Variants in PTPRG observed in about 807,000 individuals in gnomAD.
The protein encoded by PTPRG is receptor-type tyrosine-protein phosphatase gamma.
PTPRG carries 102 observed loss-of-function variants against 165.3 expected under a neutral mutation model. The ratio of observed to expected loss-of-function variants is 0.62; its 90% CI spans 0.53 to 0.73. PTPRG has a LOEUF of 0.73. PTPRG is among the 30% of genes least tolerant of loss of function. The pLI is 0.00. For synonymous variants in PTPRG, 675 were observed against 669.5 expected, an observed-to-expected ratio of 1.01 and a Z score of -0.13; for missense variants, 1,866 against 1,861.4, an observed-to-expected ratio of 1.00 and a Z score of -0.05.
At chr3:61,890,412 G>GTTTTTTTTTTTTTTTTTTTTTTTTT (rs1388100597) in intron 2 of PTPRG, among the ~76,000 whole-genome samples, 15 of 95,426 alleles carry the variant, frequency 1.6e-4, no homozygotes, top group Middle Eastern at 6.2e-3. Context: ...CTTGTTCTTT[G>GTTTTTTTTTTTTTTTTTTTTTTTTT]TTTTTTTTTT....
At chr3:61,824,568 G>A (rs539545413) in intron 2 of PTPRG, among the ~76,000 whole-genome samples, 3 of 152,296 alleles carry the variant, frequency 2.0e-5, no homozygotes, top group Non-Finnish European at 4.4e-5. Flanking sequence ...GGTGGCTCAC[G>A]CCTGTAATCC....
chr3:61,864,247 C>T (rs2037346605), intron 2 of PTPRG, among the ~76,000 whole-genome samples: 1 of 152,076 alleles, frequency 6.6e-6, no homozygotes, highest in African/African-American at 2.4e-5. Flanking sequence ...TAAGTAGAAC[C>T]TTTTGTATCA....
intron 2 of PTPRG, among the ~76,000 whole-genome samples, chr3:61,826,782 A>G (rs1476452654): frequency 6.6e-6 from 1 of 151,568 alleles, no homozygotes; most frequent in Non-Finnish European, 1.5e-5. Flanking sequence ...ATAGGTCTAG[A>G]GTCCATTAGA....
At chr3:61,626,052 G>A (rs1323250995) in intron 1 of PTPRG, among the ~76,000 whole-genome samples, 3 of 150,444 alleles carry the variant, frequency 2.0e-5, no homozygotes, top group Admixed American at 6.6e-5. Flanking sequence ...ACTTTTAGGC[G>A]ACATTATGTG....
chr3:61,928,005 T>A (rs1019489064), intron 2 of PTPRG, among the ~76,000 whole-genome samples: 2 of 152,172 alleles, frequency 1.3e-5, no homozygotes, highest in East Asian at 3.9e-4. Flanking sequence ...CCTGTACCGG[T>A]CACCTAGCTG....
intron 2 of PTPRG, among the ~76,000 whole-genome samples, chr3:61,950,339 T>A (rs1295795299): frequency 6.6e-6 from 1 of 152,160 alleles, no homozygotes; most frequent in Non-Finnish European, 1.5e-5. Flanking sequence ...CAAATTGTCT[T>A]TTTCTGAATG....
At chr3:61,983,797 C>A (rs1168720348) in intron 2 of PTPRG, among the ~76,000 whole-genome samples, 1 of 152,048 alleles carries the variant, frequency 6.6e-6, no homozygotes, top group Non-Finnish European at 1.5e-5. Flanking sequence ...GTAGAAAATT[C>A]TTGTTGTTGA....
chr3:61,767,796 C>T (rs751866317), intron 2 of PTPRG, among the ~76,000 whole-genome samples: 20 of 151,704 alleles, frequency 1.3e-4, no homozygotes, highest in Admixed American at 2.0e-4. Context: ...TAGTGGGATC[C>T]CGTTTGTACC....
At chr3:61,717,412 C>G (rs952649592) in intron 1 of PTPRG, among the ~76,000 whole-genome samples, 3 of 152,182 alleles carry the variant, frequency 2.0e-5, no homozygotes, top group African/African-American at 7.2e-5. Context: ...CTCAAAATCA[C>G]TCTTGTATTT....
chr3:62,254,670 A>C lies in PTPRG; in HGVS notation c.2468-454A>C, dbSNP rs1222460378. Among the ~76,000 whole-genome samples, 1 of 152,050 alleles carries C rather than the reference A, an allele frequency of 6.6e-6. No homozygotes were observed. Among genetic ancestry groups the C allele is most frequent in the Non-Finnish European group, 1.5e-5 (1 of 67,992 alleles). The stretch of plus-strand genomic sequence containing the variant: ...TATAAAGGATTGCTTAAAACTTATA[A>C]GATTGGAAATAGAACTTAATTGCTT... On this transcript the variant is annotated intron_variant, in intron 15 of 29. Coordinates refer to ENST00000474889, the MANE Select transcript of PTPRG (RefSeq NM_002841.4). This position sits in a 1 kb window ranked among gnomAD's most constrained non-coding sequence, Gnocchi z 4.6.
chr3:61,964,296 T>A (rs565775377), intron 2 of PTPRG, among the ~76,000 whole-genome samples: 1 of 152,176 alleles, frequency 6.6e-6, no homozygotes, highest in Non-Finnish European at 1.5e-5. Context: ...TTGGAGAGGA[T>A]AAAATTAATC....
chr3:61,801,886 G>A (rs2035256647), intron 2 of PTPRG, among the ~76,000 whole-genome samples: 1 of 152,180 alleles, frequency 6.6e-6, no homozygotes, highest in African/African-American at 2.4e-5. Context: ...TTAGCTGGCC[G>A]TGGTGGCGTG....
intron 4 of PTPRG, among the ~76,000 whole-genome samples, chr3:62,039,400 T>G (rs940050746): frequency 1.3e-5 from 2 of 152,128 alleles, no homozygotes; most frequent in African/African-American, 4.8e-5. Flanking sequence ...AAGAAGTGTT[T>G]TCATGCAACA....
intron 5 of PTPRG, among the ~76,000 whole-genome samples, chr3:62,103,840 G>A (rs1576006897): frequency 6.6e-6 from 1 of 152,216 alleles, no homozygotes. Flanking sequence ...AGCTTGTAGA[G>A]TGTTGATGTA....
chr3:61,798,098 T>C (rs1399362419), intron 2 of PTPRG, among the ~76,000 whole-genome samples: 2 of 152,218 alleles, frequency 1.3e-5, no homozygotes, highest in African/African-American at 2.4e-5. Flanking sequence ...CTCGTCTGCA[T>C]TTTAATACAG....
At chr3:61,795,417 C>T (rs1056809368) in intron 2 of PTPRG, among the ~76,000 whole-genome samples, 9 of 151,654 alleles carry the variant, frequency 5.9e-5, no homozygotes, top group African/African-American at 1.2e-4. Flanking sequence ...CTGAGGCGGG[C>T]GGATCATCTG....
intron 12 of PTPRG, among the ~76,000 whole-genome samples, chr3:62,215,371 A>G (rs536476872): frequency 1.3e-5 from 2 of 152,342 alleles, no homozygotes; most frequent in South Asian, 4.1e-4. Context: ...AAAAGACCCA[A>G]GCCAATGAAA....
intron 1 of PTPRG, among the ~76,000 whole-genome samples, chr3:61,673,776 G>A (rs2107084509): frequency 6.6e-6 from 1 of 152,236 alleles, no homozygotes; most frequent in Non-Finnish European, 1.5e-5. Flanking sequence ...AGCAACACTT[G>A]ACTGGATTGG....
chr3:62,251,234 T>C (rs1701408887), intron 15 of PTPRG, among the ~76,000 whole-genome samples: 1 of 152,134 alleles, frequency 6.6e-6, no homozygotes, highest in African/African-American at 2.4e-5. Flanking sequence ...CTACAAAAAA[T>C]ATAAGCCAGG....
Sources: gnomAD v4.1 joint callset for allele counts (sites outside exome capture counted in the v4.1 genomes callset) on GRCh38, gnomAD v4.1.1 for gene constraint, Gnocchi (gnomAD v3.1) non-coding constraint, MANE v1.5 for transcripts, NCBI Gene and HGNC (gene_info 2026-07-23, HGNC 2026-07-21) for gene names.